SEL1L3: variants seen among roughly 807,000 people sequenced by gnomAD.
The protein encoded by SEL1L3 is SEL1L family member 3, also known as protein sel-1 homolog 3.
A neutral mutation model predicts 142.8 loss-of-function variants in SEL1L3; 76 were observed. The ratio of observed to expected loss-of-function variants is 0.53; its 90% CI spans 0.44 to 0.64. The LOEUF (loss-of-function observed/expected upper bound fraction) is 0.64. Ranked by LOEUF, SEL1L3 falls within the 30% of genes least tolerant of loss-of-function variation. The probability of loss-of-function intolerance (pLI) is 0.00; values close to 1 mark genes in which losing one functional copy is unlikely to be tolerated. For missense variants in SEL1L3, 1,262 were observed against 1,381.7 expected (o/e 0.91, Z 1.37); for synonymous variants, 504 against 519.6 (o/e 0.97, Z 0.41).
chr4:25,856,934 A>G (rs559022038), intron 1 of SEL1L3, among the ~76,000 whole-genome samples: 2 of 152,318 alleles, frequency 1.3e-5, no homozygotes, highest in South Asian at 4.1e-4. Context: ...AATCATCCAC[A>G]TCTTGCTACG....
chr4:25,814,142 C>T (rs1714214021), intron 9 of SEL1L3, among the ~76,000 whole-genome samples: 1 of 152,046 alleles, frequency 6.6e-6, no homozygotes, highest in Non-Finnish European at 1.5e-5. Flanking sequence ...AGCCCATTTT[C>T]TCTTGCACCA....
chr4:25,786,772 G>A (rs776184811), intron 13 of SEL1L3, among the ~76,000 whole-genome samples: 3 of 152,194 alleles, frequency 2.0e-5, no homozygotes, highest in Non-Finnish European at 4.4e-5. Context: ...TTCACATATG[G>A]CTCAGATTCA....
At chr4:25,726,524 T>C in the SEL1L3 span, among the ~76,000 whole-genome samples, 1 of 85,108 alleles carries the variant, frequency 1.2e-5, no homozygotes, top group Non-Finnish European at 2.3e-5. Context: ...CAAGACTTGG[T>C]CTCAAAAAAA....
chr4:25,749,003 G>A (rs991690114), intron 23 of SEL1L3, among the ~76,000 whole-genome samples: 3 of 152,162 alleles, frequency 2.0e-5, no homozygotes, highest in African/African-American at 7.2e-5. Context: ...GGTCATTAAA[G>A]CCACTACTCT....
chr4:25,842,285 A>G (rs1716216582), intron 2 of SEL1L3, among the ~76,000 whole-genome samples: 1 of 149,958 alleles, frequency 6.7e-6, no homozygotes, highest in East Asian at 1.9e-4. Context: ...GGTGGGGGCT[A>G]GAAAAGTGTT....
intron 21 of SEL1L3, among the ~76,000 whole-genome samples, chr4:25,758,614 C>T (rs906831096): frequency 5.3e-5 from 8 of 151,944 alleles, no homozygotes; most frequent in African/African-American, 1.5e-4. Context: ...GAAATACACT[C>T]GGGTCTGGCT....
Position 25,802,378 on chromosome 4 carries a change from C to A in SEL1L3, c.1861G>T (p.Asp621Tyr). ...NLGYKHYQGI[D>Y]NYPLDWELSY... Reference sequence around the variant, plus strand: ...AGTTCCCAGTCCAGGGGGTAGTTGTCAATACCCTGGTAGTGTTTATACCCA... The same window carrying A: ...AGTTCCCAGTCCAGGGGGTAGTTGTAAATACCCTGGTAGTGTTTATACCCA... The change falls in exon 11 of 24, where the codon GAC becomes TAC. Residue 621 changes from aspartate to tyrosine, a missense_variant. Transcript: ENST00000399878. 1 of 1,613,710 alleles carries A rather than the reference C, an allele frequency of 6.2e-7. No individual in the cohort carries two copies. Among genetic ancestry groups the A allele is most frequent in the South Asian group, 1.1e-5 (1 of 91,044 alleles).
intron 23 of SEL1L3, chr4:25,756,755 C>G (rs963650717): frequency 4.4e-6 from 5 of 1,149,276 alleles, no homozygotes; most frequent in Non-Finnish European, 1.1e-6. Flanking sequence ...CCTGCTCAGT[C>G]CCTCCCTCTG....
intron 23 of SEL1L3, among the ~76,000 whole-genome samples, chr4:25,749,333 A>G (rs1388643839): frequency 6.6e-6 from 1 of 152,138 alleles, no homozygotes; most frequent in Non-Finnish European, 1.5e-5. Flanking sequence ...TTAAATCACC[A>G]TGGTAACAAG....
intron 9 of SEL1L3, among the ~76,000 whole-genome samples, chr4:25,817,403 C>T (rs1714451729): frequency 6.6e-6 from 1 of 152,206 alleles, no homozygotes; most frequent in African/African-American, 2.4e-5. Flanking sequence ...AGCTGCCTTT[C>T]CTCTTCCTAA....
In SEL1L3 at chr4:25,833,064, A is replaced by G. The variant is rs184612790; in HGVS notation, c.1029T>C (p.Ala343=). ...QMHLVKGEDL[A]VKTKFIIPLK... Reference sequence around the variant, plus strand: ...AAGGTATGATGAATTTAGTTTTTACAGCAAGGTCTTCCCCTTTGACAAGAT... The same window carrying G: ...AAGGTATGATGAATTTAGTTTTTACGGCAAGGTCTTCCCCTTTGACAAGAT... The change falls in exon 5 of 24, where the codon GCT becomes GCC. Residue 343 remains alanine (A), a synonymous_variant. Coordinates refer to ENST00000399878, the MANE Select transcript of SEL1L3 (RefSeq NM_015187.5). 2.1e-4 allele frequency: 339 copies of G among 1,612,792 alleles called. No homozygotes were observed. Among genetic ancestry groups the G allele is most frequent in the Admixed American group, 7.5e-4 (45 of 60,022 alleles).
chr4:25,832,608 C>T (rs1195682326), intron 5 of SEL1L3, among the ~76,000 whole-genome samples: 1 of 152,158 alleles, frequency 6.6e-6, no homozygotes, highest in Non-Finnish European at 1.5e-5. Flanking sequence ...CTAACCAATC[C>T]ATTTCCTTAA....
chr4:25,806,102 G>C (rs1478862278), intron 9 of SEL1L3, among the ~76,000 whole-genome samples: 1 of 148,618 alleles, frequency 6.7e-6, no homozygotes, highest in Non-Finnish European at 1.5e-5. Flanking sequence ...GCAGTGGCGC[G>C]ATCTCGGTTC....
the SEL1L3 span, among the ~76,000 whole-genome samples, chr4:25,724,516 C>T: frequency 1.3e-5 from 2 of 151,414 alleles, no homozygotes; most frequent in Admixed American, 6.6e-5. Flanking sequence ...CCGAGGCAGG[C>T]GGATCACGAG....
Position 25,784,255 on chromosome 4 carries a change from T to A in SEL1L3, c.2253A>T (p.Leu751Phe). The A allele has an allele frequency of 6.2e-7, 1 of 1,613,808 alleles. No homozygotes were observed. The highest frequency in any genetic ancestry group is 8.5e-7 in the Non-Finnish European group (1 of 1,179,724). Residue 751 changes from leucine to phenylalanine, a missense_variant, in exon 14 of 24, where the codon TTA becomes TTT. Physicochemically the swap from Leu to Phe is conservative, Grantham distance 22. Coordinates refer to ENST00000399878, the MANE Select transcript of SEL1L3 (RefSeq NM_015187.5). The part of the protein sequence containing the change: ...QGVKKNRRLA[L>F]ELMKKAASKG... ...TGGAAGCTGCTTTCTTCATCAGCTC[T>A]AAGGCAAGCCGTCTGTTCTTTTTTA...
chr4:25,803,689 G>C (rs1713343830), intron 10 of SEL1L3, among the ~76,000 whole-genome samples: 1 of 152,038 alleles, frequency 6.6e-6, no homozygotes, highest in South Asian at 2.1e-4. Context: ...GGCCTCAATA[G>C]GACAAAAAGG....
the SEL1L3 span, among the ~76,000 whole-genome samples, chr4:25,729,410 A>G: frequency 1.3e-5 from 2 of 152,258 alleles, no homozygotes; most frequent in East Asian, 3.9e-4. Context: ...TTCTCCTATA[A>G]CCTGTTAAAT....
chr4:25,790,936 C>T (rs1712290731), intron 11 of SEL1L3, among the ~76,000 whole-genome samples: 1 of 152,180 alleles, frequency 6.6e-6, no homozygotes, highest in Admixed American at 6.5e-5. Flanking sequence ...ATGAGGTGTG[C>T]CTACAATGAC....
intron 1 of SEL1L3, among the ~76,000 whole-genome samples, chr4:25,856,605 A>AAAAAAC (rs1717280547): frequency 6.6e-6 from 1 of 151,760 alleles, no homozygotes; most frequent in African/African-American, 2.4e-5. Flanking sequence ...AAAAAAAAAA[A>AAAAAAC]AAAAAAAACA....
Sources: gnomAD v4.1 joint callset for allele counts (sites outside exome capture counted in the v4.1 genomes callset) on GRCh38, gnomAD v4.1.1 for gene constraint, MANE v1.5 for transcripts, NCBI Gene and HGNC (gene_info 2026-07-23, HGNC 2026-07-21) for gene names.